Variants in TC2N observed in about 807,000 individuals in gnomAD.
The protein encoded by TC2N is tandem C2 domains nuclear protein.
Under a neutral mutation model 61.9 loss-of-function variants are expected in TC2N, and 51 were observed. That is an observed-to-expected ratio of 0.82 (90% CI 0.66 to 1.04). TC2N has a LOEUF of 1.04. TC2N is among the 50% of genes least tolerant of loss of function. The pLI is 0.00. For missense variants in TC2N, 556 were observed against 566.7 expected, an observed-to-expected ratio of 0.98 and a Z score of 0.19; for synonymous variants, 204 against 192.6, an observed-to-expected ratio of 1.06 and a Z score of -0.49.
chr14:91,820,865 A>T (rs1235452662), intron 1 of TC2N, among the ~76,000 whole-genome samples: 1 of 152,066 alleles, frequency 6.6e-6, no homozygotes, highest in Non-Finnish European at 1.5e-5. Flanking sequence ...TAACATTTTT[A>T]AAAACTTAAA....
At chr14:91,802,209 C>T in intron 4 of TC2N, 45 bp downstream of exon 4, 1 of 1,448,860 alleles carries the variant, frequency 6.9e-7, no homozygotes, top group East Asian at 2.7e-5. Context: ...TTCTAAATTT[C>T]TTAAAGAGAA....
chr14:91,798,381 C>T lies in TC2N; in HGVS notation c.656G>A (p.Gly219Glu), dbSNP rs1886026302. 1.3e-6 allele frequency: 2 copies of T among 1,567,224 alleles called. No homozygotes were observed. Among genetic ancestry groups the T allele is most frequent in the Non-Finnish European group, 1.7e-6 (2 of 1,146,938 alleles). ...CAGTCTCCCAAAGTCCCTTTCATCT[C>T]CTGATAGAGTAATTGTATCTGAATT... ...NRSLDTITLS[G>E]DERDFGRLNV... is the part of the protein sequence containing the mutation. Residue 219 changes from glycine (G) to glutamate (E), a missense_variant, in exon 7 of 12, where the codon GGA (glycine) becomes GAA (glutamate). By Grantham distance (98) the Gly-to-Glu change is moderately conservative. Transcript: ENST00000435962.
intron 1 of TC2N, among the ~76,000 whole-genome samples, chr14:91,818,723 TATA>T (rs1887116097): frequency 6.6e-6 from 1 of 152,100 alleles, no homozygotes. Flanking sequence ...AGATGAAAAC[TATA>T]ATGTCTGAGA....
chr14:91,830,788 C>T (rs545709159), intron 1 of TC2N, among the ~76,000 whole-genome samples: 2 of 152,254 alleles, frequency 1.3e-5, no homozygotes, highest in South Asian at 2.1e-4. Context: ...TAAAACTTCT[C>T]CCCATGGTCT....
chr14:91,812,198 T>C (rs904488860), intron 3 of TC2N, 114 bp downstream of exon 3: 3 of 514,322 alleles, frequency 5.8e-6, no homozygotes, highest in Non-Finnish European at 9.2e-6. Context: ...GAGCAAAATA[T>C]AAAAAGTAAA....
intron 1 of TC2N, among the ~76,000 whole-genome samples, chr14:91,823,830 C>T (rs1393981988): frequency 6.6e-6 from 1 of 152,128 alleles, no homozygotes; most frequent in Non-Finnish European, 1.5e-5. Flanking sequence ...CACTTATTAG[C>T]TATATGACCT....
chr14:91,790,008 C>T (rs1885567674), intron 9 of TC2N, among the ~76,000 whole-genome samples: 1 of 152,144 alleles, frequency 6.6e-6, no homozygotes, highest in Non-Finnish European at 1.5e-5. Flanking sequence ...GGTTTGGAAT[C>T]AGACTGCCTC....
intron 1 of TC2N, among the ~76,000 whole-genome samples, chr14:91,828,467 ATATT>A (rs1284646782): frequency 1.3e-5 from 2 of 152,018 alleles, no homozygotes; most frequent in African/African-American, 4.8e-5. Context: ...ATTTATGTTT[ATATT>A]TATATTATAT....
intron 3 of TC2N, among the ~76,000 whole-genome samples, chr14:91,804,397 T>C (rs1256629133): frequency 6.6e-6 from 1 of 152,142 alleles, no homozygotes; most frequent in Non-Finnish European, 1.5e-5. Flanking sequence ...AGAATGTTCG[T>C]AAGTATTATT....
intron 1 of TC2N, among the ~76,000 whole-genome samples, chr14:91,820,121 GA>G (rs1456002426): frequency 6.6e-6 from 1 of 151,996 alleles, no homozygotes; most frequent in African/African-American, 2.4e-5. Flanking sequence ...ACTGGATAAA[GA>G]AGTATGATAC....
intron 1 of TC2N, among the ~76,000 whole-genome samples, chr14:91,816,321 G>A (rs1423264268): frequency 1.3e-5 from 2 of 151,748 alleles, no homozygotes; most frequent in African/African-American, 4.8e-5. Context: ...TTGCCAGTGT[G>A]ATAGGAAAGA....
At chr14:91,823,004 C>T (rs142098653) in intron 1 of TC2N, among the ~76,000 whole-genome samples, 11 of 151,894 alleles carry the variant, frequency 7.2e-5, no homozygotes, top group African/African-American at 2.7e-4. Flanking sequence ...CATGAGCCAC[C>T]GTGCCGAGCC....
At chr14:91,806,712 C>T (rs934688138) in intron 3 of TC2N, among the ~76,000 whole-genome samples, 7 of 151,490 alleles carry the variant, frequency 4.6e-5, no homozygotes, top group African/African-American at 1.2e-4. Flanking sequence ...CATAAAAGTT[C>T]GAAAAATTTG....
At chr14:91,799,239 T>C (rs1366849952) in intron 5 of TC2N, among the ~76,000 whole-genome samples, 175 bp from the exon 6 acceptor site, 1 of 151,708 alleles carries the variant, frequency 6.6e-6, no homozygotes, top group African/African-American at 2.4e-5. Context: ...GCTTTTGGCA[T>C]TTGTTAGGAA....
chr14:91,851,866 C>T (rs1566789938), intron 1 of TC2N, among the ~76,000 whole-genome samples: 1 of 152,196 alleles, frequency 6.6e-6, no homozygotes, highest in South Asian at 2.1e-4. Flanking sequence ...AAGTGGTCCA[C>T]ACTTTATTTT....
rs768480663 is a variant in TC2N, at chr14:91,785,234, A to G, written c.1290T>C (p.Ser430=). Residue 430 remains serine (S), a synonymous_variant, in exon 11 of 12, where the codon AGT becomes AGC. Transcript: ENST00000435962. ...GETMIFPLIQ[S]EKEIVFLIKL... ...TAATGAGAAAAACAATTTCTTTTTC[A>G]CTCTGTATAAGTGGAAAAATCATAG... The G allele has an allele frequency of 3.7e-6, 6 of 1,613,214 alleles. No homozygotes were observed. In the African/African-American group the frequency reaches 8.0e-5, roughly 22 times the overall value.
intron 1 of TC2N, among the ~76,000 whole-genome samples, chr14:91,835,489 G>A (rs960013560): frequency 6.6e-6 from 1 of 152,136 alleles, no homozygotes; most frequent in Non-Finnish European, 1.5e-5. Context: ...AATTACAAAA[G>A]CAATCCTTTT....
At chr14:91,812,784 A>G (rs1886841497) in intron 2 of TC2N, among the ~76,000 whole-genome samples, 1 of 151,916 alleles carries the variant, frequency 6.6e-6, no homozygotes, top group Non-Finnish European at 1.5e-5. Flanking sequence ...AAGCAGCTTT[A>G]AAGAGTCTTA....
At chr14:91,840,462 T>A (rs1888143298) in intron 1 of TC2N, among the ~76,000 whole-genome samples, 1 of 152,212 alleles carries the variant, frequency 6.6e-6, no homozygotes, top group African/African-American at 2.4e-5. Flanking sequence ...TCTTTATGGA[T>A]ACATAGCTTT....
Sources: gnomAD v4.1 joint callset for allele counts (sites outside exome capture counted in the v4.1 genomes callset) on GRCh38, gnomAD v4.1.1 for gene constraint, MANE v1.5 for transcripts, NCBI Gene and HGNC (gene_info 2026-07-23, HGNC 2026-07-21) for gene names.